Variants in BAIAP2 observed in about 807,000 individuals in gnomAD.
BAIAP2 encodes the protein BAR/IMD domain-containing adapter protein 2.
A neutral mutation model predicts 63.0 loss-of-function variants in BAIAP2; 18 were observed. That is an observed-to-expected ratio of 0.29 (90% CI 0.20 to 0.42). The LOEUF is 0.42. Among genes scored for constraint, BAIAP2 ranks in the 10% least tolerant of loss-of-function variants. The pLI is 1.00. For synonymous variants in BAIAP2, 386 were observed against 307.6 expected (o/e 1.25, Z -2.67); for missense variants, 610 against 734.3 (o/e 0.83, Z 1.96).
chr17:81,096,952 T>G (rs1022838117), intron 6 of BAIAP2, among the ~76,000 whole-genome samples: 5 of 151,352 alleles, frequency 3.3e-5, no homozygotes, highest in African/African-American at 9.7e-5. Flanking sequence ...GAGGAGAAAG[T>G]AGAGGAGGAG....
chr17:81,081,529 C>T (rs974655164), intron 3 of BAIAP2, among the ~76,000 whole-genome samples: 1 of 152,152 alleles, frequency 6.6e-6, no homozygotes, highest in Non-Finnish European at 1.5e-5. Flanking sequence ...GCCGTGCTCC[C>T]GTCTCCTCCC....
chr17:81,112,606 G>T (rs928140190), intron 13 of BAIAP2, among the ~76,000 whole-genome samples: 29 of 152,370 alleles, frequency 1.9e-4, no homozygotes, highest in Admixed American at 1.7e-3. Flanking sequence ...CCCACCTTCT[G>T]AAGACACGAA....
chr17:81,080,255 G>T (rs890005901), intron 3 of BAIAP2, among the ~76,000 whole-genome samples: 5 of 152,258 alleles, frequency 3.3e-5, no homozygotes, highest in African/African-American at 1.2e-4. Flanking sequence ...GGCACCCTGG[G>T]GGTTAAGTGC....
At chr17:81,108,145 C>A (rs1026707717) in intron 12 of BAIAP2, 6 of 427,460 alleles carry the variant, frequency 1.4e-5, no homozygotes, top group Non-Finnish European at 2.5e-5. Flanking sequence ...AGGTGCCCTG[C>A]GGGGGCCTCG....
intron 3 of BAIAP2, among the ~76,000 whole-genome samples, chr17:81,074,336 G>A (rs1406017289): frequency 6.6e-6 from 1 of 151,892 alleles, no homozygotes; most frequent in East Asian, 1.9e-4. Flanking sequence ...ACGGATACGT[G>A]TGAGTGTGCG....
At chr17:81,093,562 A>T (rs983238501) in intron 6 of BAIAP2, among the ~76,000 whole-genome samples, 1 of 151,990 alleles carries the variant, frequency 6.6e-6, no homozygotes, top group African/African-American at 2.4e-5. Flanking sequence ...CCCAGAGACC[A>T]TGGGGGCTCC....
At chr17:81,106,713 G>A (rs2059226145) in intron 11 of BAIAP2, 32 bp from the exon 12 acceptor site, 2 of 1,611,910 alleles carry the variant, frequency 1.2e-6, no homozygotes, top group Non-Finnish European at 1.7e-6. Context: ...CATCCGGCCT[G>A]CTGGGCCGCC....
At chr17:81,057,128 C>T (rs1414975261) in intron 2 of BAIAP2, among the ~76,000 whole-genome samples, 1 of 152,232 alleles carries the variant, frequency 6.6e-6, no homozygotes, top group African/African-American at 2.4e-5. Context: ...TTACACTGCT[C>T]TCCGGGGCCC....
intron 3 of BAIAP2, among the ~76,000 whole-genome samples, chr17:81,084,573 C>T (rs890111237): frequency 4.6e-5 from 7 of 152,318 alleles, no homozygotes; most frequent in Middle Eastern, 3.4e-3. Flanking sequence ...CTGTCTCTCG[C>T]CTTTGCAGAG....
At chr17:81,073,694 C>A (rs890894887) in intron 3 of BAIAP2, among the ~76,000 whole-genome samples, 4 of 151,834 alleles carry the variant, frequency 2.6e-5, no homozygotes, top group Admixed American at 2.6e-4. Flanking sequence ...GAGATTCACG[C>A]TCTCTCTCAG....
chr17:81,049,401 C>T (rs528130824), intron 1 of BAIAP2, among the ~76,000 whole-genome samples: 4 of 152,258 alleles, frequency 2.6e-5, no homozygotes, highest in East Asian at 3.9e-4. Context: ...GTGGGGGTGG[C>T]GCCTCTGAGG....
intron 1 of BAIAP2, among the ~76,000 whole-genome samples, chr17:81,051,275 C>G (rs113766095): frequency 6.6e-6 from 1 of 152,196 alleles, no homozygotes; most frequent in Non-Finnish European, 1.5e-5. Flanking sequence ...TAGCACATGC[C>G]TCTCTTCCCC....
chr17:81,106,862 C>A lies in BAIAP2; in HGVS notation c.1455C>A (p.Gly485=). 1 of 1,605,648 alleles carries A rather than the reference C, an allele frequency of 6.2e-7. No homozygotes were observed. The highest frequency in any genetic ancestry group is 8.5e-7 in the Non-Finnish European group (1 of 1,176,424). ...CCTTCCCCGCCCAGACGGCCAGCGG[C>A]TTCAAGCAGAGGCCCTACAGTGTGG... The part of the protein sequence containing the change: ...SRAFPAQTAS[G]FKQRPYSVAV... Residue 485 remains glycine, a synonymous_variant, in exon 12 of 14, where the codon GGC becomes GGA. Transcript: ENST00000428708.
rs750399656 is a variant in BAIAP2, at chr17:81,048,900, C to T, written c.55-4768C>T. On this transcript the variant is annotated intron_variant, in intron 1 of 13. Coordinates refer to ENST00000428708, the MANE Select transcript of BAIAP2 (RefSeq NM_001144888.2). ...GGACCCCTCCTCTCCCGGCACTTCG[C>T]GGCATGCGTCCTATGAGGGGAAGCC... Among the ~76,000 whole-genome samples, 62 of 152,344 alleles carry T rather than the reference C, an allele frequency of 4.1e-4. 1 individual carries two copies. In the Middle Eastern group the frequency reaches 0.02, roughly 50 times the overall value.
chr17:81,044,259 G>A (rs1377680129), intron 1 of BAIAP2, among the ~76,000 whole-genome samples: 2 of 152,266 alleles, frequency 1.3e-5, no homozygotes, highest in Admixed American at 1.3e-4. Flanking sequence ...GGAGGGGATG[G>A]ATGGGGCAGC....
chr17:81,066,339 A>C (rs933904192), intron 3 of BAIAP2, among the ~76,000 whole-genome samples: 9 of 152,216 alleles, frequency 5.9e-5, no homozygotes, highest in Admixed American at 1.3e-4. Context: ...GTTAGCTGGC[A>C]GGGGGCATTG....
intron 3 of BAIAP2, among the ~76,000 whole-genome samples, chr17:81,067,554 A>G (rs1035938642): frequency 6.8e-6 from 1 of 147,702 alleles, no homozygotes; most frequent in East Asian, 2.0e-4. Flanking sequence ...GCGGCAGCCA[A>G]GTGTGGGCCC....
At chr17:81,085,002 A>C in intron 4 of BAIAP2, 109 bp downstream of exon 4, 1 of 1,163,062 alleles carries the variant, frequency 8.6e-7, no homozygotes, top group Non-Finnish European at 1.3e-6. Flanking sequence ...TTGTCCAGCC[A>C]CACTCGGAGG....
At chr17:81,058,479 A>G (rs750341097) in intron 3 of BAIAP2, among the ~76,000 whole-genome samples, 2 of 152,218 alleles carry the variant, frequency 1.3e-5, no homozygotes, top group African/African-American at 4.8e-5. Flanking sequence ...CACAGGGTGA[A>G]ACCTGGAAAT....
Sources: gnomAD v4.1 joint callset for allele counts (sites outside exome capture counted in the v4.1 genomes callset) on GRCh38, gnomAD v4.1.1 for gene constraint, MANE v1.5 for transcripts, NCBI Gene and HGNC (gene_info 2026-07-23, HGNC 2026-07-21) for gene names.